UMAD1: variants seen among roughly 807,000 people sequenced by gnomAD.
UMAD1 encodes UBAP1-MVB12-associated (UMA) domain containing 1, also known as UBAP1-MVB12-associated (UMA)-domain containing protein 1.
In UMAD1, 8 loss-of-function variants were observed where a neutral mutation model predicts 6.1. The ratio of observed to expected loss-of-function variants is 1.30; its 90% CI spans 0.76 to 2.35. The LOEUF is 2.35. Ranked by LOEUF, UMAD1 falls within the 30% of genes most tolerant of loss-of-function variation. The probability of loss-of-function intolerance (pLI) is 0.00; values close to 1 mark genes in which losing one functional copy is unlikely to be tolerated. For missense variants in UMAD1, 130 were observed against 78.4 expected (o/e 1.66, Z -2.49); for synonymous variants, 56 against 31.4 (o/e 1.78, Z -2.61).
At chr7:7,875,254 G>A (rs573033151) in intron 3 of UMAD1, among the ~76,000 whole-genome samples, 76 of 152,188 alleles carry the variant, frequency 5.0e-4, no homozygotes, top group African/African-American at 1.6e-3. Context: ...ATCTAAAATC[G>A]ACATCTAACA....
intron 1 of UMAD1, among the ~76,000 whole-genome samples, chr7:7,645,800 T>A (rs1366362845): frequency 6.8e-6 from 1 of 146,136 alleles, no homozygotes; most frequent in African/African-American, 2.6e-5. Flanking sequence ...TTTGATTTGC[T>A]GTTGTTTTTG....
chr7:7,830,511 T>C lies in UMAD1; in HGVS notation c.156+28768T>C, dbSNP rs1783442548. ...CTTTCTCTTTCTTTTCCCTTTTTCG[T>C]TTCTTTTCTTTCTTTTAACATGCGT... On this transcript the variant is annotated intron_variant, in intron 3 of 3. Coordinates refer to ENST00000682710, the MANE Select transcript of UMAD1 (RefSeq NM_001302348.2). The surrounding 1 kb of genome is among the most constrained non-coding windows in gnomAD (Gnocchi z 5.3). Among the ~76,000 whole-genome samples the C allele has an allele frequency of 6.6e-6, 1 of 152,128 alleles. No individual in the cohort carries two copies. The highest frequency in any genetic ancestry group is 1.5e-5 in the Non-Finnish European group (1 of 68,026).
intron 2 of UMAD1, among the ~76,000 whole-genome samples, chr7:7,695,327 T>G (rs1435748505): frequency 2.0e-5 from 3 of 152,328 alleles, no homozygotes; most frequent in African/African-American, 4.8e-5. Context: ...CAGCCAACTT[T>G]AAGATTTCAT....
At chr7:7,755,831 A>G (rs962938735) in intron 2 of UMAD1, among the ~76,000 whole-genome samples, 4 of 152,248 alleles carry the variant, frequency 2.6e-5, no homozygotes, top group African/African-American at 7.2e-5. Flanking sequence ...CCCATGAGCC[A>G]TTTAAACATA....
intron 3 of UMAD1, among the ~76,000 whole-genome samples, chr7:7,862,439 A>G (rs1784132874): frequency 6.6e-6 from 1 of 152,188 alleles, no homozygotes; most frequent in African/African-American, 2.4e-5. Context: ...ATCTTGTTGC[A>G]TTACATTCTG....
chr7:7,707,940 A>G (rs1780646925), intron 2 of UMAD1, among the ~76,000 whole-genome samples: 2 of 152,200 alleles, frequency 1.3e-5, no homozygotes, highest in South Asian at 2.1e-4. Flanking sequence ...TCATGTTTTA[A>G]GCATGTTTAG....
rs530932421 is a variant in UMAD1 at position 7,747,600 on chromosome 7, TA to T, written c.83-54069del. ...TTTTTCCAAGAAATAATAAGCCTTT[TA>T]GGCAATTGAAACTGCCGAGAAGGCT... On this transcript the variant is annotated intron_variant, in intron 2 of 3. Coordinates refer to ENST00000682710, the MANE Select transcript of UMAD1 (RefSeq NM_001302348.2). 3.9e-3 allele frequency among the ~76,000 whole-genome samples: 600 copies of T among 152,334 alleles called. 2 individuals are homozygous for T. The highest frequency in any genetic ancestry group is 6.9e-3 in the Non-Finnish European group (468 of 68,016).
chr7:7,709,373 A>T (rs953149311), intron 2 of UMAD1, among the ~76,000 whole-genome samples: 1 of 152,218 alleles, frequency 6.6e-6, no homozygotes, highest in Admixed American at 6.5e-5. Context: ...TTGTCCTCAC[A>T]CCATCTCTTA....
At chr7:7,723,717 A>G (rs537337284) in intron 2 of UMAD1, among the ~76,000 whole-genome samples, 7 of 152,324 alleles carry the variant, frequency 4.6e-5, no homozygotes, top group African/African-American at 1.4e-4. Flanking sequence ...ATATGATGGG[A>G]ATAACTGGAT....
chr7:7,803,416 C>G (rs1336109411), intron 3 of UMAD1, among the ~76,000 whole-genome samples: 1 of 152,190 alleles, frequency 6.6e-6, no homozygotes, highest in African/African-American at 2.4e-5. Flanking sequence ...TCAAGGCTCC[C>G]AGCCTGGGCA....
intron 3 of UMAD1, among the ~76,000 whole-genome samples, chr7:7,805,775 A>G (rs536273907): frequency 6.3e-4 from 96 of 152,284 alleles, no homozygotes; most frequent in African/African-American, 2.3e-3. Flanking sequence ...CCAGAGCTTC[A>G]CTTGGCTTCC....
chr7:7,831,412 A>G lies in UMAD1; in HGVS notation c.156+29669A>G, dbSNP rs116129727. ...TCAAACTAAGGAACAAAGAAGTTCT[A>G]TTTGTTAGCTCCATTCTGGAGCCTG... is the stretch of plus-strand genomic sequence containing the variant. On this transcript the variant is annotated intron_variant, in intron 3 of 3. Coordinates refer to ENST00000682710, the MANE Select transcript of UMAD1 (RefSeq NM_001302348.2). Among the ~76,000 whole-genome samples the G allele has an allele frequency of 4.8e-3, 733 of 152,324 alleles. 7 individuals are homozygous for G. The highest frequency in any genetic ancestry group is 0.016 in the African/African-American group (684 of 41,576).
At position 7,708,505 on chromosome 7, in the gene UMAD1, T is replaced by G. The variant is rs527651450; in HGVS notation, c.82+35052T>G. 6.6e-5 allele frequency among the ~76,000 whole-genome samples: 10 copies of G among 152,306 alleles called. 1 individual carries two copies. The highest frequency in any genetic ancestry group is 2.4e-4 in the African/African-American group (10 of 41,574). On this transcript the variant is annotated intron_variant, in intron 2 of 3. Transcript: ENST00000682710. The stretch of plus-strand genomic sequence containing the variant: ...GATATAAGGGGATCAGGTCTAACAC[T>G]CTGTTAAGAAATTAATAGGATCTTT...
At chr7:7,863,312 C>G (rs1044392112) in intron 3 of UMAD1, among the ~76,000 whole-genome samples, 1 of 152,172 alleles carries the variant, frequency 6.6e-6, no homozygotes, top group Admixed American at 6.5e-5. Flanking sequence ...TTGTGAGGTT[C>G]AAATTAAATA....
At chr7:7,729,805 A>G (rs1324239075) in intron 2 of UMAD1, among the ~76,000 whole-genome samples, 4 of 152,182 alleles carry the variant, frequency 2.6e-5, no homozygotes, top group Non-Finnish European at 5.9e-5. Context: ...ATAATCACAC[A>G]GAGCAGTGCT....
chr7:7,656,836 G>C (rs1453470565), intron 1 of UMAD1, among the ~76,000 whole-genome samples: 1 of 152,180 alleles, frequency 6.6e-6, no homozygotes, highest in Non-Finnish European at 1.5e-5. Context: ...ACCCAGTAAT[G>C]GGATTGCTGG....
At chr7:7,839,910 T>C (rs1783646355) in intron 3 of UMAD1, among the ~76,000 whole-genome samples, 1 of 152,190 alleles carries the variant, frequency 6.6e-6, no homozygotes, top group Non-Finnish European at 1.5e-5. Flanking sequence ...ATCCAGCTGC[T>C]CAAGTGCCTG....
chr7:7,804,043 C>G (rs1782856702), intron 3 of UMAD1, among the ~76,000 whole-genome samples: 1 of 152,182 alleles, frequency 6.6e-6, no homozygotes, highest in Non-Finnish European at 1.5e-5. Context: ...CATTATTGTG[C>G]TACTTTCTAG....
At chr7:7,733,169 A>G (rs1159114352) in intron 2 of UMAD1, among the ~76,000 whole-genome samples, 2 of 152,142 alleles carry the variant, frequency 1.3e-5, no homozygotes, top group East Asian at 1.9e-4. Flanking sequence ...CCCAGTTGGT[A>G]TGTTTGTCCT....
Sources: gnomAD v4.1 joint callset for allele counts (sites outside exome capture counted in the v4.1 genomes callset) on GRCh38, gnomAD v4.1.1 for gene constraint, Gnocchi (gnomAD v3.1) non-coding constraint, MANE v1.5 for transcripts, NCBI Gene and HGNC (gene_info 2026-07-23, HGNC 2026-07-21) for gene names.